The following DPYSL3 variants were observed in gnomAD, a reference collection of about 807,000 sequenced individuals.
DPYSL3 encodes dihydropyrimidinase like 3.
A neutral mutation model predicts 66.1 loss-of-function variants in DPYSL3; 16 were observed. That is an observed-to-expected ratio of 0.24 (90% CI 0.16 to 0.37). The LOEUF (loss-of-function observed/expected upper bound fraction) is 0.37. Ranked by LOEUF, DPYSL3 falls within the 10% of genes least tolerant of loss-of-function variation. DPYSL3 has a pLI of 1.00. For missense variants in DPYSL3, 738 were observed against 916.2 expected (o/e 0.81, Z 2.51); for synonymous variants, 338 against 345.1 (o/e 0.98, Z 0.23).
intron 1 of DPYSL3, 35 bp from the exon 2 acceptor site, chr5:147,424,998 G>A: frequency 1.3e-6 from 2 of 1,539,858 alleles, no homozygotes; most frequent in Non-Finnish European, 1.8e-6. Context: ...TGTTATCACA[G>A]GTATGATTTC....
intron 1 of DPYSL3, among the ~76,000 whole-genome samples, chr5:147,457,490 G>T (rs1752871050): frequency 6.6e-6 from 1 of 152,234 alleles, no homozygotes; most frequent in Non-Finnish European, 1.5e-5. Flanking sequence ...AGGGCATGTA[G>T]TTAGAATGTA....
At chr5:147,494,116 C>G (rs1410969963) in intron 1 of DPYSL3, among the ~76,000 whole-genome samples, 1 of 151,896 alleles carries the variant, frequency 6.6e-6, no homozygotes, top group Non-Finnish European at 1.5e-5. Flanking sequence ...TTGCTTGAAC[C>G]CAGGAGGCGG....
chr5:147,413,699 A>G (rs1751901215), intron 4 of DPYSL3, 42 bp from the exon 5 acceptor site: 1 of 1,520,606 alleles, frequency 6.6e-7, no homozygotes, highest in African/African-American at 1.4e-5. Flanking sequence ...GAAAGACAAC[A>G]TTATCATGAC....
At position 147,392,641 on chromosome 5, in the gene DPYSL3, A is replaced by G. The variant is rs1206946276; in HGVS notation, c.*1394T>C. ...AATTTTCAGAAGCAGCATGATAGGG[A>G]AAGAGATATTCAACTCTGACAGACA... On this transcript the variant is annotated 3_prime_UTR_variant, in exon 14 of 14. Coordinates refer to ENST00000343218, the MANE Select transcript of DPYSL3 (RefSeq NM_001197294.2). The G allele has an allele frequency of 6.6e-6, 1 of 152,216 alleles. No homozygotes were observed. The highest frequency in any genetic ancestry group is 1.5e-5 in the Non-Finnish European group (1 of 68,044). The allele number at this position is 152,216 out of a possible 1,614,324, so 9.4% of individuals were successfully genotyped here. A position where few individuals can be genotyped will look rare whatever the true frequency, so the allele number is the denominator to read the frequency against.
intron 12 of DPYSL3, among the ~76,000 whole-genome samples, 192 bp from the exon 13 acceptor site, chr5:147,395,913 G>A (rs1385248903): frequency 1.3e-5 from 2 of 152,108 alleles, no homozygotes; most frequent in Non-Finnish European, 2.9e-5. Flanking sequence ...GACAATGGAT[G>A]TGGTCAGTGA....
At chr5:147,468,847 G>GT (rs1318829449) in intron 1 of DPYSL3, among the ~76,000 whole-genome samples, 1 of 152,044 alleles carries the variant, frequency 6.6e-6, no homozygotes, top group African/African-American at 2.4e-5. Flanking sequence ...AATAATGATT[G>GT]TTTTATTATG....
intron 1 of DPYSL3, among the ~76,000 whole-genome samples, chr5:147,427,218 C>T (rs1561783954): frequency 6.6e-6 from 1 of 152,238 alleles, no homozygotes; most frequent in Non-Finnish European, 1.5e-5. Context: ...CAAATTTCAC[C>T]TGCTCCCACT....
At chr5:147,439,707 G>C (rs1394385530) in intron 1 of DPYSL3, among the ~76,000 whole-genome samples, 1 of 152,108 alleles carries the variant, frequency 6.6e-6, no homozygotes, top group Non-Finnish European at 1.5e-5. Context: ...ACAGAGGCTT[G>C]AGTGAGGGTG....
intron 1 of DPYSL3, among the ~76,000 whole-genome samples, chr5:147,501,828 G>A (rs1486369763): frequency 6.6e-6 from 1 of 152,100 alleles, no homozygotes; most frequent in Non-Finnish European, 1.5e-5. Flanking sequence ...GACTACTCTC[G>A]TGTGGAGTGT....
intron 1 of DPYSL3, among the ~76,000 whole-genome samples, chr5:147,450,663 C>G (rs530021634): frequency 6.6e-6 from 1 of 152,032 alleles, no homozygotes; most frequent in Non-Finnish European, 1.5e-5. Flanking sequence ...AGTAAGAATG[C>G]CTTAATCTCA....
intron 1 of DPYSL3, among the ~76,000 whole-genome samples, chr5:147,435,670 C>T (rs971512701): frequency 6.6e-6 from 1 of 151,846 alleles, no homozygotes; most frequent in Non-Finnish European, 1.5e-5. Context: ...CTGACAGAGG[C>T]CCATGCTGGA....
At chr5:147,472,153 A>T (rs867340783) in intron 1 of DPYSL3, among the ~76,000 whole-genome samples, 119 of 152,288 alleles carry the variant, frequency 7.8e-4, no homozygotes, top group African/African-American at 2.6e-3. Flanking sequence ...TAATCCAGAG[A>T]TCCACCATCC....
chr5:147,484,210 A>G (rs1334326444), intron 1 of DPYSL3, among the ~76,000 whole-genome samples: 1 of 152,092 alleles, frequency 6.6e-6, no homozygotes, highest in Non-Finnish European at 1.5e-5. Flanking sequence ...ATTGCACCAA[A>G]CAGAATTTTT....
rs145164914 is a variant in DPYSL3 at position 147,472,082 on chromosome 5, G to A, written c.381+37396C>T. 3.5e-3 allele frequency among the ~76,000 whole-genome samples: 531 copies of A among 152,224 alleles called. 3 individuals carry two copies. The highest frequency in any genetic ancestry group is 0.012 in the African/African-American group (494 of 41,538). ...TACAGCTGAAGCACATGAGACTAGC[G>A]ATGGCTTGCCCATGGCCAACACTGT... On this transcript the variant is annotated intron_variant, in intron 1 of 13. Coordinates refer to ENST00000343218, the MANE Select transcript of DPYSL3 (RefSeq NM_001197294.2).
At chr5:147,475,593 A>G (rs944357194) in intron 1 of DPYSL3, among the ~76,000 whole-genome samples, 1 of 152,156 alleles carries the variant, frequency 6.6e-6, no homozygotes, top group Non-Finnish European at 1.5e-5. Context: ...ATTCAAAGGA[A>G]TAGAAAGAAT....
At chr5:147,444,051 C>T (rs1474117218) in intron 1 of DPYSL3, among the ~76,000 whole-genome samples, 1 of 152,104 alleles carries the variant, frequency 6.6e-6, no homozygotes, top group Admixed American at 6.6e-5. Context: ...CAGAGAAGGA[C>T]TTACCCCTGG....
At chr5:147,482,585 G>T (rs759698555) in intron 1 of DPYSL3, among the ~76,000 whole-genome samples, 1 of 152,160 alleles carries the variant, frequency 6.6e-6, no homozygotes, top group Non-Finnish European at 1.5e-5. Flanking sequence ...ACCAGAGACC[G>T]TTTTTTCCAC....
At position 147,425,060 on chromosome 5, in the gene DPYSL3, G is replaced by A. The variant is rs2126330875; in HGVS notation, c.382-97C>T. ...CCCAATTCATTGTTCTAGATGTCTA[G>A]TAGAAACACATTTACCAAAGACATA... On this transcript the variant is annotated intron_variant, in intron 1 of 13. Transcript: ENST00000343218. 3 of 868,942 alleles carry A rather than the reference G, an allele frequency of 3.5e-6. 1 individual carries two copies. Among genetic ancestry groups the A allele is most frequent in the Non-Finnish European group, 1.8e-6 (1 of 546,416 alleles). The allele number at this position is 868,942 out of a possible 1,614,324, so 53.8% of individuals were successfully genotyped here.
At position 147,392,834 on chromosome 5, in the gene DPYSL3, C is replaced by T. The variant is rs1025292597; in HGVS notation, c.*1201G>A. ...GTGGTTTGGAATGGAAAGGTGGAAC[C>T]AGGTCCACAAAATGTGCTCCCTCTG... is the stretch of plus-strand genomic sequence containing the variant. On this transcript the variant is annotated 3_prime_UTR_variant, in exon 14 of 14. Transcript: ENST00000343218. 6.6e-6 allele frequency: 1 copy of T among 152,218 alleles called. No homozygotes were observed. The highest frequency in any genetic ancestry group is 2.4e-5 in the African/African-American group (1 of 41,456). The allele number at this position is 152,218 out of a possible 1,614,324, so 9.4% of individuals were successfully genotyped here.
Sources: allele counts gnomAD v4.1 joint callset (sites outside exome capture counted in the v4.1 genomes callset), GRCh38; gene constraint gnomAD v4.1.1; transcripts MANE v1.5; gene names NCBI Gene and HGNC (gene_info 2026-07-23, HGNC 2026-07-21).